The following USP13 variants were observed in gnomAD, a reference collection of about 807,000 sequenced individuals.
USP13 encodes the protein ubiquitin carboxyl-terminal hydrolase 13.
USP13 carries 68 observed loss-of-function variants against 107.8 expected under a neutral mutation model. That is an observed-to-expected ratio of 0.63 (90% confidence interval 0.52 to 0.77). The LOEUF (loss-of-function observed/expected upper bound fraction) is 0.77. Ranked by LOEUF, USP13 falls within the 30% of genes least tolerant of loss-of-function variation. USP13 has a pLI of 0.00. For synonymous variants in USP13, 377 were observed against 389.5 expected (o/e 0.97, Z 0.38); for missense variants, 945 against 1,093.3 (o/e 0.86, Z 1.91).
intron 19 of USP13, among the ~76,000 whole-genome samples, chr3:179,773,036 T>G (rs1715388946): frequency 6.6e-6 from 1 of 152,214 alleles, no homozygotes; most frequent in Non-Finnish European, 1.5e-5. Context: ...TGTTGTATAT[T>G]GCGCCTGATA....
chr3:179,724,597 AC>A, intron 8 of USP13, among the ~76,000 whole-genome samples: 1 of 152,194 alleles, frequency 6.6e-6, no homozygotes, highest in Non-Finnish European at 1.5e-5. Context: ...ATTCCTTGGT[AC>A]CCTGTCTGCC....
At chr3:179,688,453 C>T (rs1382400342) in intron 2 of USP13, among the ~76,000 whole-genome samples, 1 of 152,216 alleles carries the variant, frequency 6.6e-6, no homozygotes, top group Non-Finnish European at 1.5e-5. Flanking sequence ...AAAGATGGAA[C>T]ATGTCTTCAT....
chr3:179,750,720 A>G (rs985935209), intron 13 of USP13, among the ~76,000 whole-genome samples: 5 of 152,192 alleles, frequency 3.3e-5, no homozygotes, highest in African/African-American at 1.2e-4. Flanking sequence ...GGTATATACA[A>G]TACTTTCTAG....
intron 19 of USP13, among the ~76,000 whole-genome samples, chr3:179,767,608 G>C (rs1367628291): frequency 6.6e-6 from 1 of 152,060 alleles, no homozygotes; most frequent in African/African-American, 2.4e-5. Flanking sequence ...TTCTGTTGTT[G>C]GAGGTATCAA....
chr3:179,767,944 G>C (rs930789047), intron 19 of USP13, among the ~76,000 whole-genome samples: 2 of 152,104 alleles, frequency 1.3e-5, no homozygotes, highest in Non-Finnish European at 2.9e-5. Flanking sequence ...TTTCATCACT[G>C]AAACTGTTTC....
At chr3:179,725,161 C>G (rs974723005) in intron 8 of USP13, among the ~76,000 whole-genome samples, 1 of 152,108 alleles carries the variant, frequency 6.6e-6, no homozygotes, top group South Asian at 2.1e-4. Flanking sequence ...GCAGTGAGCC[C>G]AGATTGTGCC....
chr3:179,709,005 A>C, intron 6 of USP13, 48 bp downstream of exon 6: 2 of 1,578,386 alleles, frequency 1.3e-6, no homozygotes, highest in Admixed American at 1.8e-5. Context: ...GCTTCCTCTT[A>C]GATTTAACCA....
At chr3:179,756,947 G>A in intron 15 of USP13, 105 bp from the exon 16 acceptor site, 1 of 1,146,628 alleles carries the variant, frequency 8.7e-7, no homozygotes, top group Non-Finnish European at 1.3e-6. Flanking sequence ...TGGTCCCCAG[G>A]AGTGGGGAGG....
chr3:179,653,594 T>G lies in USP13; in HGVS notation c.168+201T>G. ...CGAGGACTGGCTCGTGCTGGTGGTT[T>G]TGCTCCGCCAGCCTCCCCAGGCTGG... On this transcript the variant is annotated intron_variant, in intron 1 of 20. Coordinates refer to ENST00000263966, the MANE Select transcript of USP13 (RefSeq NM_003940.3). This position sits in a 1 kb window ranked among gnomAD's most constrained non-coding sequence, Gnocchi z 4.0. 1 of 719,216 alleles carries G rather than the reference T, an allele frequency of 1.4e-6. No individual in the cohort carries two copies. Among genetic ancestry groups the G allele is most frequent in the Non-Finnish European group, 2.1e-6 (1 of 465,658 alleles). The allele number at this position is 719,216 out of a possible 1,614,324, so 44.6% of individuals were successfully genotyped here.
intron 10 of USP13, among the ~76,000 whole-genome samples, chr3:179,733,279 A>G (rs1006493005): frequency 3.3e-5 from 5 of 152,188 alleles, no homozygotes; most frequent in African/African-American, 1.2e-4. Flanking sequence ...GGGAGGGCCC[A>G]TCCAGCTGGG....
rs1285109074 is a variant in USP13 at position 179,714,076 on chromosome 3, C to T, written c.805+5119C>T. On this transcript the variant is annotated intron_variant, in intron 6 of 20. Coordinates refer to ENST00000263966, the MANE Select transcript of USP13 (RefSeq NM_003940.3). Reference sequence around the variant, plus strand: ...TCCTCTGTGGGAGGACGCATTGTTTCGGCGAGGCAGGGATGAGGTTCTTGG... The same window carrying T: ...TCCTCTGTGGGAGGACGCATTGTTTTGGCGAGGCAGGGATGAGGTTCTTGG... Among the ~76,000 whole-genome samples, 5 of 152,124 alleles carry T rather than the reference C, an allele frequency of 3.3e-5. No individual in the cohort carries two copies. The East Asian group carries it at 5.8e-4, about 18-fold the overall frequency.
intron 4 of USP13, among the ~76,000 whole-genome samples, chr3:179,706,179 T>C (rs745376452): frequency 6.6e-6 from 1 of 152,220 alleles, no homozygotes; most frequent in Non-Finnish European, 1.5e-5. Flanking sequence ...TACTGAACTG[T>C]TTTCCAAAGT....
intron 14 of USP13, 26 bp downstream of exon 14, chr3:179,752,399 T>G (rs1714644912): frequency 6.4e-7 from 1 of 1,557,898 alleles, no homozygotes. Context: ...GTGCTTTTGC[T>G]TAAAACATCA....
chr3:179,759,973 G>T (rs1022986413), intron 16 of USP13, among the ~76,000 whole-genome samples: 4 of 151,956 alleles, frequency 2.6e-5, no homozygotes, highest in African/African-American at 7.3e-5. Context: ...CACCCACCTG[G>T]TAAATGCATT....
chr3:179,693,725 G>A (rs1712188570), intron 3 of USP13, among the ~76,000 whole-genome samples: 1 of 152,084 alleles, frequency 6.6e-6, no homozygotes, highest in East Asian at 1.9e-4. Context: ...CCAGGTTGGT[G>A]TGTAGTGGTG....
intron 19 of USP13, 137 bp downstream of exon 19, chr3:179,765,985 T>C (rs1715162720): frequency 1.0e-5 from 11 of 1,063,384 alleles, no homozygotes; most frequent in Non-Finnish European, 1.2e-5. Flanking sequence ...TCGTTTTTTT[T>C]TTTTTTCTTT....
intron 13 of USP13, among the ~76,000 whole-genome samples, chr3:179,748,271 G>A (rs1464295196): frequency 2.0e-5 from 3 of 152,202 alleles, no homozygotes; most frequent in African/African-American, 7.2e-5. Context: ...CATATTCCTT[G>A]TCATGCTTGC....
At position 179,687,509 on chromosome 3, in the gene USP13, A is replaced by T. The variant is rs184264852; in HGVS notation, c.295-2732A>T. ...ACCCTGTCTCTACTAAAAATACAAAATCAGCTGGGCATGGTGGCGCATGCC... is the reference window on the plus strand; with the variant it reads ...ACCCTGTCTCTACTAAAAATACAAATTCAGCTGGGCATGGTGGCGCATGCC... On this transcript the variant is annotated intron_variant, in intron 2 of 20. Coordinates refer to ENST00000263966, the MANE Select transcript of USP13 (RefSeq NM_003940.3). 3.9e-3 allele frequency among the ~76,000 whole-genome samples: 595 copies of T among 151,372 alleles called. 5 individuals carry two copies. The highest frequency in any genetic ancestry group is 6.7e-3 in the Non-Finnish European group (456 of 67,798).
At chr3:179,715,358 T>C (rs1221341203) in intron 6 of USP13, among the ~76,000 whole-genome samples, 1 of 134,302 alleles carries the variant, frequency 7.4e-6, no homozygotes, top group South Asian at 2.5e-4. Context: ...TTTGTGTTTA[T>C]TTTTCTTTCT....
Sources: allele counts gnomAD v4.1 joint callset (sites outside exome capture counted in the v4.1 genomes callset), GRCh38; gene constraint gnomAD v4.1.1; non-coding constraint Gnocchi (gnomAD v3.1); transcripts MANE v1.5; gene names NCBI Gene and HGNC (gene_info 2026-07-23, HGNC 2026-07-21).